Variants in PCDHGB4 observed in about 807,000 individuals in gnomAD.
PCDHGB4 encodes protocadherin gamma-B4.
In PCDHGB4, 38 loss-of-function variants were observed where a neutral mutation model predicts 60.5. The observed-to-expected ratio is 0.63, with a 90% CI of 0.48 to 0.82. The LOEUF (loss-of-function observed/expected upper bound fraction) is 0.82, where lower values mean the gene tolerates loss of function less well. Ranked by LOEUF, PCDHGB4 falls within the 40% of genes least tolerant of loss-of-function variation. The probability of loss-of-function intolerance (pLI) is 0.00; values close to 1 mark genes in which losing one functional copy is unlikely to be tolerated. For missense variants in PCDHGB4, 1,109 were observed against 1,209.6 expected, an observed-to-expected ratio of 0.92 and a Z score of 1.23; for synonymous variants, 456 against 509.7, an observed-to-expected ratio of 0.89 and a Z score of 1.42.
intron 1 of PCDHGB4, among the ~76,000 whole-genome samples, chr5:141,456,887 C>T (rs112521083): frequency 0.042 from 6,384 of 152,090 alleles, 167 homozygotes; most frequent in Middle Eastern, 0.088. Flanking sequence ...CGCTTGAACC[C>T]GGGAGGCAGA....
chr5:141,411,258 A>G (rs1415319110), intron 1 of PCDHGB4: 1 of 152,200 alleles, frequency 6.6e-6, no homozygotes, highest in African/African-American at 2.4e-5. Flanking sequence ...TATCTTATTT[A>G]TATATTTTTA....
At position 141,487,577 on chromosome 5, in the gene PCDHGB4, C is replaced by T; in HGVS notation, c.2398-7230C>T. 1 of 1,614,150 alleles carries T rather than the reference C, an allele frequency of 6.2e-7. No homozygotes were observed. Among genetic ancestry groups the T allele is most frequent in the Non-Finnish European group, 8.5e-7 (1 of 1,180,024 alleles). On this transcript the variant is annotated intron_variant, in intron 1 of 3. Transcript: ENST00000519479. This position sits in a 1 kb window ranked among gnomAD's most constrained non-coding sequence, Gnocchi z 5.0. ...ACCTATGGCAGGGGAGCCTGTTCGCCCAAGCTGCCCACCCTCTGATCTTCT... is the reference window on the plus strand; with the variant it reads ...ACCTATGGCAGGGGAGCCTGTTCGCTCAAGCTGCCCACCCTCTGATCTTCT...
chr5:141,421,863 C>T (rs767555107), intron 1 of PCDHGB4: 1 of 1,613,746 alleles, frequency 6.2e-7, no homozygotes, highest in Non-Finnish European at 8.5e-7. Flanking sequence ...ACCTGCTCCT[C>T]CTCACAGCTT....
In PCDHGB4 at chr5:141,399,858, T is replaced by G. The variant is rs1003401029; in HGVS notation, c.2397+9577T>G. On this transcript the variant is annotated intron_variant, in intron 1 of 3. Transcript: ENST00000519479. The stretch of plus-strand genomic sequence containing the variant: ...CGCTCTTCGATATGGTGCCGCGCGC[T>G]GCAGAGCCCGGCTACCTGGTGACCA... The G allele has an allele frequency of 3.7e-6, 6 of 1,612,764 alleles. No individual in the cohort carries two copies. In the African/African-American group the frequency reaches 6.7e-5, roughly 18 times the overall value.
chr5:141,440,818 C>T (rs906112291), intron 1 of PCDHGB4: 2 of 152,124 alleles, frequency 1.3e-5, no homozygotes, highest in Non-Finnish European at 2.9e-5. Flanking sequence ...TCACTCAACT[C>T]CTGATCCTAT....
chr5:141,491,549 A>T lies in PCDHGB4; in HGVS notation c.2398-3258A>T, dbSNP rs748281587. 18 of 1,613,860 alleles carry T rather than the reference A, an allele frequency of 1.1e-5. No homozygotes were observed. In the East Asian group the frequency reaches 3.8e-4, roughly 34 times the overall value. On this transcript the variant is annotated intron_variant, in intron 1 of 3. Coordinates refer to ENST00000519479, the MANE Select transcript of PCDHGB4 (RefSeq NM_003736.4). This position sits in a 1 kb window ranked among gnomAD's most constrained non-coding sequence, Gnocchi z 6.9. Reference sequence around the variant, plus strand: ...GTGACGCTGCGGCCCACAGACTCGCAGAGCCACTGCTACAGGACGTGCTTT... The same window carrying T: ...GTGACGCTGCGGCCCACAGACTCGCTGAGCCACTGCTACAGGACGTGCTTT...
chr5:141,473,479 G>GA (rs150184379), intron 1 of PCDHGB4, among the ~76,000 whole-genome samples: 6,877 of 152,218 alleles, frequency 0.045, 184 homozygotes, highest in Middle Eastern at 0.088. Flanking sequence ...AAGTTCAATG[G>GA]AAAAAATATA....
At chr5:141,422,289 T>G in intron 1 of PCDHGB4, 1 of 1,553,678 alleles carries the variant, frequency 6.4e-7, no homozygotes, top group African/African-American at 1.4e-5. Context: ...CCTCTTCTAT[T>G]AATTCAATTC....
intron 1 of PCDHGB4, chr5:141,394,519 C>T: frequency 6.2e-7 from 1 of 1,614,240 alleles, no homozygotes; most frequent in Non-Finnish European, 8.5e-7. Flanking sequence ...GCCCTCCCCA[C>T]AGACGGTTCC....
intron 1 of PCDHGB4, among the ~76,000 whole-genome samples, chr5:141,480,408 C>A (rs371569489): frequency 7.2e-6 from 1 of 138,932 alleles, no homozygotes; most frequent in African/African-American, 2.9e-5. Flanking sequence ...GAGTGAGACC[C>A]TGTCTCAAAA....
chr5:141,422,314 C>G (rs1207977453), intron 1 of PCDHGB4: 2 of 1,547,838 alleles, frequency 1.3e-6, no homozygotes, highest in Non-Finnish European at 1.7e-6. Context: ...AAACTCTCCT[C>G]CAGGTACAGT....
At chr5:141,500,438 T>C (rs977844035) in intron 2 of PCDHGB4, among the ~76,000 whole-genome samples, 2 of 151,816 alleles carry the variant, frequency 1.3e-5, no homozygotes, top group African/African-American at 4.8e-5. Flanking sequence ...CTCGATCTCC[T>C]GACCTCGTGA....
At position 141,410,559 on chromosome 5, in the gene PCDHGB4, G is replaced by A. The variant is rs1239897819; in HGVS notation, c.2397+20278G>A. 9.9e-6 allele frequency: 16 copies of A among 1,612,722 alleles called. No individual in the cohort carries two copies. Among genetic ancestry groups the A allele is most frequent in the African/African-American group, 5.3e-5 (4 of 74,894 alleles). On this transcript the variant is annotated intron_variant, in intron 1 of 3. Transcript: ENST00000519479. ...GACATGGTTTGCAGTGTTTCTCCTG[G>A]AGCCTTAATTCCACCTCATGGTGGG...
At chr5:141,417,556 A>C (rs1240389709) in intron 1 of PCDHGB4, 1 of 333,096 alleles carries the variant, frequency 3.0e-6, no homozygotes, top group Non-Finnish European at 5.4e-6. Context: ...TGAAAGAGGT[A>C]GAGAAAAGTC....
rs1228384684 is a variant in PCDHGB4 at position 141,432,189 on chromosome 5, A to G, written c.2397+41908A>G. On this transcript the variant is annotated intron_variant, in intron 1 of 3. Coordinates refer to ENST00000519479, the MANE Select transcript of PCDHGB4 (RefSeq NM_003736.4). This position sits in a 1 kb window ranked among gnomAD's most constrained non-coding sequence, Gnocchi z 6.0. The stretch of plus-strand genomic sequence containing the variant: ...GTTTCCCTCGTCTCTGTGACCGCCC[A>G]CGACCCCGACTGTGAAGAGAACGCC... 6.2e-6 allele frequency: 10 copies of G among 1,613,964 alleles called. No homozygotes were observed. Among genetic ancestry groups the G allele is most frequent in the African/African-American group, 1.3e-5 (1 of 74,878 alleles).
intron 1 of PCDHGB4, among the ~76,000 whole-genome samples, chr5:141,492,080 G>A (rs576661909): frequency 6.6e-6 from 1 of 152,352 alleles, no homozygotes; most frequent in African/African-American, 2.4e-5. Context: ...GCCGGCTCCG[G>A]CACGCTTCGC....
At chr5:141,394,467 G>A (rs558211393) in intron 1 of PCDHGB4, 3 of 1,614,238 alleles carry the variant, frequency 1.9e-6, no homozygotes, top group Admixed American at 1.7e-5. Flanking sequence ...GAGCCTGTTC[G>A]TGCTGGACCA....
chr5:141,409,666 C>T, intron 1 of PCDHGB4: 3 of 1,613,554 alleles, frequency 1.9e-6, no homozygotes, highest in Non-Finnish European at 2.5e-6. Flanking sequence ...GCCACATCTC[C>T]TACTCTATAG....
chr5:141,478,323 G>A, intron 1 of PCDHGB4: 2 of 1,613,958 alleles, frequency 1.2e-6, no homozygotes, highest in Non-Finnish European at 8.5e-7. Flanking sequence ...TCACTGTACC[G>A]AACACCAGGG....
Sources: allele counts gnomAD v4.1 joint callset (sites outside exome capture counted in the v4.1 genomes callset), GRCh38; gene constraint gnomAD v4.1.1; non-coding constraint Gnocchi (gnomAD v3.1); transcripts MANE v1.5; gene names NCBI Gene and HGNC (gene_info 2026-07-23, HGNC 2026-07-21).